Variants in MFSD12 observed in about 807,000 individuals in gnomAD.
MFSD12 encodes the protein major facilitator superfamily domain-containing protein 12.
A neutral mutation model predicts 51.2 loss-of-function variants in MFSD12; 67 were observed. The observed-to-expected ratio is 1.31, with a 90% CI of 1.08 to 1.60. MFSD12 has a LOEUF of 1.60. Among genes scored for constraint, MFSD12 ranks in the 40% most tolerant of loss-of-function variants. MFSD12 has a pLI of 0.00. For synonymous variants in MFSD12, 441 were observed against 316.7 expected, an observed-to-expected ratio of 1.39 and a Z score of -4.17; for missense variants, 921 against 673.0, an observed-to-expected ratio of 1.37 and a Z score of -4.08.
downstream of MFSD12, chr19:3,542,895 T>C (rs746834112): frequency 7.1e-7 from 1 of 1,411,512 alleles, no homozygotes; most frequent in Non-Finnish European, 9.5e-7. Flanking sequence ...TTGTGGGTCT[T>C]GGAGGCTGGA....
chr19:3,543,555 C>G (rs759821810), downstream of MFSD12: 33 of 1,515,386 alleles, frequency 2.2e-5, no homozygotes, highest in Non-Finnish European at 2.8e-5. Context: ...CCCACCGCAG[C>G]CTACACCCAG....
At chr19:3,548,085 T>C in intron 3 of MFSD12, 38 bp downstream of exon 3, 1 of 1,602,254 alleles carries the variant, frequency 6.2e-7, no homozygotes, top group Non-Finnish European at 8.5e-7. Context: ...CGCCCCTGGC[T>C]CGAGGACTTC....
At chr19:3,546,549 C>CCTGGCT in intron 6 of MFSD12, 124 bp from the exon 7 acceptor site, 1 of 1,190,088 alleles carries the variant, frequency 8.4e-7, no homozygotes, top group Non-Finnish European at 1.2e-6. Context: ...CCTAAGGAGC[C>CCTGGCT]CTGGCTCTGG....
downstream of MFSD12, chr19:3,542,899 G>A (rs952195825): frequency 3.5e-6 from 5 of 1,418,768 alleles, no homozygotes; most frequent in African/African-American, 2.9e-5. Context: ...GGGTCTTGGA[G>A]GCTGGACAAG....
At chr19:3,547,706 C>T (rs2031189458) in intron 4 of MFSD12, 142 bp downstream of exon 4, 1 of 1,192,294 alleles carries the variant, frequency 8.4e-7, no homozygotes, top group Non-Finnish European at 1.2e-6. Context: ...GAGAGCAGCA[C>T]TTGATGAGTG....
At position 3,547,848 on chromosome 19, in the gene MFSD12, C is replaced by G. The variant is rs569950296; in HGVS notation, c.837G>C (p.Gln279His). ...KHWLREPAFY[Q>H]VGILYMTTRL... ...CAGCCCCACCGTCCCCAGCACGCAC[C>G]TGGTAGAAAGCCGGCTCCCGGAGCC... Residue 279 changes from glutamine to histidine, a missense_variant and splice_region_variant, in exon 4 of 10, where the codon CAG (glutamine) becomes CAC (histidine). Physicochemically the swap from Gln to His is conservative, Grantham distance 24 (BLOSUM62 0). Coordinates refer to ENST00000355415, the MANE Select transcript of MFSD12 (RefSeq NM_174983.5). The G allele has an allele frequency of 4.5e-5, 68 of 1,499,372 alleles. No individual in the cohort carries two copies. The highest frequency in any genetic ancestry group is 6.0e-5 in the Non-Finnish European group (68 of 1,128,368). The allele number at this position is 1,499,372 out of a possible 1,614,324, so 92.9% of individuals were successfully genotyped here. A position where few individuals can be genotyped will look rare whatever the true frequency, so the allele number is the denominator to read the frequency against.
At chr19:3,543,133 G>C, downstream of MFSD12, 1 of 1,511,726 alleles carries the variant, frequency 6.6e-7, no homozygotes, top group Non-Finnish European at 8.8e-7. Context: ...ACCCCACGCC[G>C]TGGGCCAGGC....
chr19:3,544,713 G>A lies in MFSD12; in HGVS notation c.1440C>T (p.Pro480=). Residue 480 remains proline (P), a synonymous_variant, in exon 10 of 10, where the codon CCC becomes CCT. Coordinates refer to ENST00000355415, the MANE Select transcript of MFSD12 (RefSeq NM_174983.5). The part of the protein sequence containing the change: ...RLRRWDRDAR[P] ...AGGTGCAGGAGGCTGTCAGGAGTCA[G>A]GGCCGGGCATCACGGTCCCCTGCAA... The A allele has an allele frequency of 3.7e-6, 6 of 1,601,504 alleles. No homozygotes were observed. Among genetic ancestry groups the A allele is most frequent in the Non-Finnish European group, 5.1e-6 (6 of 1,172,530 alleles).
At position 3,557,261 on chromosome 19, in the gene MFSD12, TGCAGGTAGAGCA is replaced by T. The variant is rs1381847157; in HGVS notation, c.131_142del (p.Leu44_Leu47del). ...GCGGGAGCTGTAGGCGCGCACCGAG[TGCAGGTAGAGCA>T]GCAGGTAGGTGAACCACATGGACGC... On this transcript the variant is annotated inframe_deletion, in exon 1 of 10. Coordinates refer to ENST00000355415, the MANE Select transcript of MFSD12 (RefSeq NM_174983.5). 3 of 1,597,298 alleles carry T rather than the reference TGCAGGTAGAGCA, an allele frequency of 1.9e-6. No individual in the cohort carries two copies. The highest frequency in any genetic ancestry group is 2.6e-6 in the Non-Finnish European group (3 of 1,173,574).
At chr19:3,546,032 C>CTTACTGAACAAAAGAATGAATG in intron 8 of MFSD12, 42 bp downstream of exon 8, 1 of 1,603,826 alleles carries the variant, frequency 6.2e-7, no homozygotes, top group Non-Finnish European at 8.5e-7. Flanking sequence ...TTAATCCCCT[C>CTTACTGAACAAAAGAATGAATG]TTACTGAACA....
Position 3,547,918 on chromosome 19 carries a change from A to C in MFSD12, c.767T>G (p.Leu256Arg). ...GGGCTGGGCCGTGGCAGGGGCCAAC[A>C]GGGGGGTGTGCTCGCCTGGCTCCTC... is the stretch of plus-strand genomic sequence containing the variant. The part of the protein sequence containing the change: ...HAEEPGEHTP[L>R]LAPATAQPLL... The change falls in exon 4 of 10, where the codon CTG becomes CGG. Residue 256 changes from leucine to arginine, a missense_variant. Leu to Arg is a moderately radical substitution (Grantham distance 102). Transcript: ENST00000355415. The C allele has an allele frequency of 6.3e-7, 1 of 1,577,604 alleles. No homozygotes were observed. Among genetic ancestry groups the C allele is most frequent in the Non-Finnish European group, 8.6e-7 (1 of 1,167,994 alleles).
downstream of MFSD12, chr19:3,542,654 C>T (rs1286293875): frequency 3.0e-5 from 33 of 1,118,054 alleles, no homozygotes; most frequent in African/African-American, 8.2e-5. Context: ...GCTTAATTTT[C>T]GTATTTTTAG....
rs1162685320 is a variant in MFSD12 at position 3,544,483 on chromosome 19, G to C, written c.*227C>G. On this transcript the variant is annotated 3_prime_UTR_variant, in exon 10 of 10. Coordinates refer to ENST00000355415, the MANE Select transcript of MFSD12 (RefSeq NM_174983.5). ...CCAAATCCTCCAGAGGGCTGGGATG[G>C]ATTAGAGTTGAGAATGGGACACCCT... 1.4e-6 allele frequency: 2 copies of C among 1,389,266 alleles called. No homozygotes were observed. Among genetic ancestry groups the C allele is most frequent in the Middle Eastern group, 2.6e-4 (1 of 3,774 alleles). The allele number at this position is 1,389,266 out of a possible 1,614,324, so 86.1% of individuals were successfully genotyped here.
In MFSD12 at chr19:3,557,317, G is replaced by A. The variant is rs1333226500; in HGVS notation, c.87C>T (p.His29=). The stretch of plus-strand genomic sequence containing the variant: ...TGGACGCGCACAGGTCGTTGAGGAA[G>A]TGGCCCACGGCGTAGCTCAGCCGCG... ...LVARLSYAVG[H]FLNDLCASMW... The change falls in exon 1 of 10, where the codon CAC becomes CAT. Residue 29 remains histidine, a synonymous_variant. Coordinates refer to ENST00000355415, the MANE Select transcript of MFSD12 (RefSeq NM_174983.5). 2 of 1,585,834 alleles carry A rather than the reference G, an allele frequency of 1.3e-6. No homozygotes were observed. Among genetic ancestry groups the A allele is most frequent in the African/African-American group, 1.4e-5 (1 of 72,276 alleles).
intron 2 of MFSD12, 136 bp from the exon 3 acceptor site, chr19:3,548,403 C>G: frequency 8.2e-7 from 1 of 1,220,912 alleles, no homozygotes. Flanking sequence ...CACTGGGTGG[C>G]CTCCAGGAAG....
In MFSD12 at chr19:3,548,022, G is replaced by A; in HGVS notation, c.663C>T (p.Ser221=). The change falls in exon 4 of 10, where the codon TCC becomes TCT. Residue 221 remains serine, a synonymous_variant. Coordinates refer to ENST00000355415, the MANE Select transcript of MFSD12 (RefSeq NM_174983.5). ...CGGCGCCGACACCCACCACCAGCAG[G>A]GACAGGTTCTGGGGATGCAGCAGAA... ...GQDVPVFRNL[S]LLVVGVGAVF... 1 of 1,599,706 alleles carries A rather than the reference G, an allele frequency of 6.3e-7. No homozygotes were observed. The highest frequency in any genetic ancestry group is 8.5e-7 in the Non-Finnish European group (1 of 1,179,452).
At chr19:3,541,168 C>CA (rs1207941689), downstream of MFSD12, among the ~76,000 whole-genome samples, 53,744 of 87,014 alleles carry the variant, frequency 0.62, 15,714 homozygotes, top group East Asian at 0.83. Context: ...GACTCTGTCT[C>CA]AAAAAAAAAA....
Position 3,548,151 on chromosome 19 carries a change from A to G in MFSD12, c.626T>C (p.Leu209Pro), listed in dbSNP as rs1346766975. Reference protein sequence around the residue: ...PTQDISISDQLGGQDVPVFRN... With the variant: ...PTQDISISDQPGGQDVPVFRN... ...GAACACGGGCACGTCCTGGCCCCCC[A>G]GCTGGTCGCTGATGCTGATGTCTTG... The change falls in exon 3 of 10, where the codon CTG (leucine) becomes CCG (proline). Residue 209 changes from leucine to proline, a missense_variant. Leu to Pro is a moderately conservative substitution (Grantham distance 98). Transcript: ENST00000355415. 6.2e-7 allele frequency: 1 copy of G among 1,605,248 alleles called. No individual in the cohort carries two copies. The highest frequency in any genetic ancestry group is 2.2e-5 in the East Asian group (1 of 44,564).
At chr19:3,546,792 C>G (rs983352541) in intron 6 of MFSD12, among the ~76,000 whole-genome samples, 1 of 152,192 alleles carries the variant, frequency 6.6e-6, no homozygotes, top group Non-Finnish European at 1.5e-5. Flanking sequence ...AAACTCGAGA[C>G]ACAGAGAAGC....
Sources: gnomAD v4.1 joint callset for allele counts (sites outside exome capture counted in the v4.1 genomes callset) on GRCh38, gnomAD v4.1.1 for gene constraint, MANE v1.5 for transcripts, NCBI Gene and HGNC (gene_info 2026-07-23, HGNC 2026-07-21) for gene names.